PRSS2: variants seen among roughly 807,000 people sequenced by gnomAD.
PRSS2 encodes the protein trypsin-2.
A neutral mutation model predicts 19.2 loss-of-function variants in PRSS2; 19 were observed. The observed-to-expected ratio is 0.99, with a 90% confidence interval of 0.69 to 1.45. PRSS2 has a LOEUF of 1.45. Among genes scored for constraint, PRSS2 ranks in the 40% most tolerant of loss-of-function variants. The pLI, the probability that PRSS2 is intolerant of heterozygous loss-of-function variation, is 0.00. For missense variants in PRSS2, 288 were observed against 294.4 expected (o/e 0.98, Z 0.16); for synonymous variants, 107 against 117.5 (o/e 0.91, Z 0.58).
rs1326560133 is a variant in PRSS2 at position 142,772,205 on chromosome 7, A to G, written c.197A>G (p.Lys66Arg). The G allele has an allele frequency of 1.9e-6, 3 of 1,613,826 alleles. No homozygotes were observed. The highest frequency in any genetic ancestry group is 4.5e-5 in the East Asian group (2 of 44,874). ...QWVVSAGHCYKSRIQVRLGEH... is the reference protein window; with the variant it reads ...QWVVSAGHCYRSRIQVRLGEH... ...GTGGTGTCAGCAGGTCACTGCTACA[A>G]GTCGTAAGTGTGGGGCCCCTGACTG... Residue 66 changes from lysine (K) to arginine (R), a missense_variant, in exon 2 of 5, where the codon AAG becomes AGG. Transcript: ENST00000539842.
At position 142,773,070 on chromosome 7, in the gene PRSS2, C is replaced by A. The variant is rs933233130; in HGVS notation, c.201-196C>A. The stretch of plus-strand genomic sequence containing the variant: ...CTCTTCCCCACTCCACTACCACCAA[C>A]CTCTGAAGCAGAAAGGTCCTGGGTT... On this transcript the variant is annotated intron_variant, in intron 2 of 4. Transcript: ENST00000539842. 4.1e-3 allele frequency among the ~76,000 whole-genome samples: 617 copies of A among 152,228 alleles called. 3 individuals carry two copies. Among genetic ancestry groups the A allele is most frequent in the African/African-American group, 0.014 (581 of 41,518 alleles).
rs1554507394 is a variant in PRSS2, at chr7:142,774,502, C to A, written c.738C>A (p.Asn246Lys). ...VDWIKDTIAA[N>K]S ...GGATTAAGGACACCATAGCTGCCAA[C>A]AGCTAAAGCCCCTGGTCCCTCTGCA... Residue 246 changes from asparagine to lysine, a missense_variant, in exon 5 of 5, where the codon AAC becomes AAA. Coordinates refer to ENST00000539842, the MANE Select transcript of PRSS2 (RefSeq NM_002770.4). The A allele has an allele frequency of 6.2e-7, 1 of 1,610,316 alleles. No homozygotes were observed. Among genetic ancestry groups the A allele is most frequent in the Non-Finnish European group, 8.5e-7 (1 of 1,176,490 alleles).
At chr7:142,771,786 T>C (rs1019185290) in intron 1 of PRSS2, among the ~76,000 whole-genome samples, 1 of 152,164 alleles carries the variant, frequency 6.6e-6, no homozygotes, top group African/African-American at 2.4e-5. Context: ...CTGGAAGTAT[T>C]GTGAGGATAT....
chr7:142,772,770 G>A (rs1248380107), intron 2 of PRSS2, among the ~76,000 whole-genome samples: 1 of 144,220 alleles, frequency 6.9e-6, no homozygotes, highest in Non-Finnish European at 1.5e-5. Flanking sequence ...ATCAGTAGGT[G>A]GGGGTAAGGA....
At position 142,774,554 on chromosome 7, in the gene PRSS2, C is replaced by G. The variant is rs773663667; in HGVS notation, c.*46C>G. ...TCTCTATACCAATAAAGTGACCCTG[C>G]TCTCACTGTCTGTGTCTGTGCCTCC... On this transcript the variant is annotated 3_prime_UTR_variant, in exon 5 of 5. Coordinates refer to ENST00000539842, the MANE Select transcript of PRSS2 (RefSeq NM_002770.4). The G allele has an allele frequency of 0.09, 62,124 of 693,172 alleles. No homozygotes were observed. The highest frequency in any genetic ancestry group is 0.15 in the African/African-American group (2,333 of 15,538). The allele number at this position is 693,172 out of a possible 1,614,324, so 42.9% of individuals were successfully genotyped here. A position where few individuals can be genotyped will look rare whatever the true frequency, so the allele number is the denominator to read the frequency against.
intron 3 of PRSS2, 45 bp from the exon 4 acceptor site, chr7:142,773,874 G>C (rs1800198256): frequency 3.8e-6 from 6 of 1,579,596 alleles, no homozygotes; most frequent in Non-Finnish European, 5.2e-6. Flanking sequence ...TCTTTCTCTG[G>C]CCTAACCCAC....
At chr7:142,771,619 T>C (rs1554505646) in intron 1 of PRSS2, among the ~76,000 whole-genome samples, 3 of 151,978 alleles carry the variant, frequency 2.0e-5, no homozygotes, top group African/African-American at 7.3e-5. Context: ...AGGGGGAAAC[T>C]GGTCATGGCC....
chr7:142,773,923 C>T lies in PRSS2; in HGVS notation c.459C>T (p.Asp153=). 2 of 1,612,904 alleles carry T rather than the reference C, an allele frequency of 1.2e-6. No individual in the cohort carries two copies. The highest frequency in any genetic ancestry group is 8.5e-7 in the Non-Finnish European group (1 of 1,178,862). ...TTCTCTTCCTGATCCTCACAGCCGACTACCCAGACGAGCTGCAGTGCCTGG... is the reference window on the plus strand; with the variant it reads ...TTCTCTTCCTGATCCTCACAGCCGATTACCCAGACGAGCTGCAGTGCCTGG... ...GWGNTLSSGA[D]YPDELQCLDA... is the part of the protein sequence containing the mutation. Residue 153 remains aspartate (D), a synonymous_variant, in exon 4 of 5, where the codon GAC becomes GAT. Transcript: ENST00000539842.
rs1043320376 is a variant in PRSS2 at position 142,773,305 on chromosome 7, C to T, written c.240C>T (p.Val80=). The change falls in exon 3 of 5, where the codon GTC becomes GTT. Residue 80 remains valine, a synonymous_variant. Coordinates refer to ENST00000539842, the MANE Select transcript of PRSS2 (RefSeq NM_002770.4). ...GACTGGGAGAGCACAACATCGAAGT[C>T]CTGGAGGGGAATGAACAGTTCATCA... The part of the protein sequence containing the change: ...QVRLGEHNIE[V]LEGNEQFINA... The T allele has an allele frequency of 1.4e-5, 23 of 1,614,114 alleles. No individual in the cohort carries two copies. Among genetic ancestry groups the T allele is most frequent in the Admixed American group, 1.3e-4 (8 of 60,014 alleles).
In PRSS2 at chr7:142,774,453, C is replaced by T. The variant is rs1800281167; in HGVS notation, c.689C>T (p.Thr230Ile). 16 of 1,610,382 alleles carry T rather than the reference C, an allele frequency of 9.9e-6. No individual in the cohort carries two copies. Among genetic ancestry groups the T allele is most frequent in the South Asian group, 2.2e-5 (2 of 90,974 alleles). The change falls in exon 5 of 5, where the codon ACC (threonine) becomes ATC (isoleucine). Residue 230 changes from threonine (T) to isoleucine (I), a missense_variant. By Grantham distance (89) the Thr-to-Ile change is moderately conservative. Coordinates refer to ENST00000539842, the MANE Select transcript of PRSS2 (RefSeq NM_002770.4). The part of the protein sequence containing the change: ...CAQKNRPGVY[T>I]KVYNYVDWIK... ...CAGAAGAACAGGCCTGGAGTCTACA[C>T]CAAGGTCTACAACTATGTGGACTGG...
At position 142,771,952 on chromosome 7, in the gene PRSS2, GT is replaced by G. The variant is rs1799945809; in HGVS notation, c.41-95del. ...CCCCTTGCCTAGCCTCACTGAGCTT[GT>G]TAAGGTTTTCTAATTAGCAGGAAGC... On this transcript the variant is annotated intron_variant, in intron 1 of 4. Coordinates refer to ENST00000539842, the MANE Select transcript of PRSS2 (RefSeq NM_002770.4). 18 of 1,566,982 alleles carry G rather than the reference GT, an allele frequency of 1.1e-5. No homozygotes were observed. In the South Asian group the frequency reaches 1.9e-4, roughly 17 times the overall value.
intron 2 of PRSS2, chr7:142,772,558 C>T: frequency 1.5e-6 from 1 of 680,170 alleles, no homozygotes; most frequent in Admixed American, 2.1e-5. Context: ...GTGTTCTATC[C>T]CAGGGCAATT....
chr7:142,772,573 CA>C (rs2117073850), intron 2 of PRSS2: 1 of 609,662 alleles, frequency 1.6e-6, no homozygotes, highest in East Asian at 2.7e-5. Flanking sequence ...GCAATTAACT[CA>C]AAATTATCAG....
In PRSS2 at chr7:142,772,149, C is replaced by A. The variant is rs779170957; in HGVS notation, c.141C>A (p.Phe47Leu). The A allele has an allele frequency of 6.2e-7, 1 of 1,613,870 alleles. No individual in the cohort carries two copies. The highest frequency in any genetic ancestry group is 1.1e-5 in the South Asian group (1 of 91,056). ...YQVSLNSGYH[F>L]CGGSLISEQW... is the part of the protein sequence containing the mutation. ...TGTCCTTGAATTCTGGCTACCACTT[C>A]TGCGGTGGCTCCCTCATCAGCGAAC... The change falls in exon 2 of 5, where the codon TTC (phenylalanine) becomes TTA (leucine). Residue 47 changes from phenylalanine to leucine, a missense_variant. Transcript: ENST00000539842.
At chr7:142,774,134 T>G in intron 4 of PRSS2, 79 bp downstream of exon 4, 1 of 1,484,316 alleles carries the variant, frequency 6.7e-7, no homozygotes, top group Non-Finnish European at 9.4e-7. Context: ...ACTCCCAAGG[T>G]GGCGGGGCTG....
intron 3 of PRSS2, among the ~76,000 whole-genome samples, 193 bp from the exon 4 acceptor site, chr7:142,773,726 G>C (rs1800174178): frequency 6.8e-6 from 1 of 148,032 alleles, no homozygotes; most frequent in African/African-American, 2.5e-5. Flanking sequence ...TGGAGAACTT[G>C]CTATGATCAC....
Position 142,774,036 on chromosome 7 carries a change from G to T in PRSS2, c.572G>T (p.Gly191Val). The change falls in exon 4 of 5, where the codon GGA becomes GTA. Residue 191 changes from glycine to valine, a missense_variant. Transcript: ENST00000539842. ...ATGTTCTGTGTGGGCTTCCTCGAGG[G>T]AGGCAAGGATTCCTGCCAGGTGATT... ...NNMFCVGFLE[G>V]GKDSCQGDSG... The T allele has an allele frequency of 6.3e-7, 1 of 1,599,130 alleles. No homozygotes were observed. The highest frequency in any genetic ancestry group is 1.1e-5 in the South Asian group (1 of 90,674).
chr7:142,771,220 T>C (rs1303934761), intron 1 of PRSS2, among the ~76,000 whole-genome samples, 198 bp downstream of exon 1: 1 of 152,130 alleles, frequency 6.6e-6, no homozygotes, highest in Non-Finnish European at 1.5e-5. Context: ...CTCCCACCGC[T>C]GTTATTCATC....
chr7:142,772,721 T>C, intron 2 of PRSS2: 2 of 580,666 alleles, frequency 3.4e-6, no homozygotes, highest in South Asian at 2.3e-5. Context: ...TGCAGGCTTG[T>C]TAAGGCACAA....
Sources: gnomAD v4.1 joint callset for allele counts (sites outside exome capture counted in the v4.1 genomes callset) on GRCh38, gnomAD v4.1.1 for gene constraint, MANE v1.5 for transcripts, NCBI Gene and HGNC (gene_info 2026-07-23, HGNC 2026-07-21) for gene names.